The following RBM19 variants were observed in gnomAD, a reference collection of about 807,000 sequenced individuals.
RBM19 encodes the protein RNA binding motif protein 19.
RBM19 carries 94 observed loss-of-function variants against 116.8 expected under a neutral mutation model. The ratio of observed to expected loss-of-function variants is 0.80; its 90% confidence interval spans 0.68 to 0.95. The LOEUF is 0.95. RBM19 is among the 40% of genes least tolerant of loss of function. The pLI, the probability that RBM19 is intolerant of heterozygous loss-of-function variation, is 0.00. For synonymous variants in RBM19, 475 were observed against 494.1 expected (o/e 0.96, Z 0.51); for missense variants, 1,161 against 1,220.7 (o/e 0.95, Z 0.73).
chr12:113,827,002 T>A (rs1462352531), intron 23 of RBM19, among the ~76,000 whole-genome samples: 4 of 152,104 alleles, frequency 2.6e-5, no homozygotes, highest in Non-Finnish European at 4.4e-5. Flanking sequence ...AACTGCCCCC[T>A]GGAGGACATG....
In RBM19 at chr12:113,859,834, G is replaced by A. The variant is rs571652643; in HGVS notation, c.2559-938C>T. 1.3e-4 allele frequency among the ~76,000 whole-genome samples: 19 copies of A among 149,396 alleles called. No homozygotes were observed. In the South Asian group the frequency reaches 2.4e-3, roughly 18 times the overall value. On this transcript the variant is annotated intron_variant, in intron 21 of 23. Coordinates refer to ENST00000261741, the MANE Select transcript of RBM19 (RefSeq NM_016196.4). The stretch of plus-strand genomic sequence containing the variant: ...TATTTGAAAATCTACACACACTTGC[G>A]GCTGCCTGGGCACACACACATATGC...
intron 19 of RBM19, among the ~76,000 whole-genome samples, chr12:113,919,979 G>A (rs529277230): frequency 6.6e-6 from 1 of 152,188 alleles, no homozygotes; most frequent in African/African-American, 2.4e-5. Context: ...ATCCTGCCCT[G>A]CACACCTCTC....
intron 22 of RBM19, 35 bp downstream of exon 22, chr12:113,858,756 G>A: frequency 6.3e-7 from 1 of 1,592,430 alleles, no homozygotes. Context: ...GAAAGGGGAG[G>A]CCTGGACAGG....
At chr12:113,866,293 C>T (rs1878804526) in intron 21 of RBM19, among the ~76,000 whole-genome samples, 1 of 152,126 alleles carries the variant, frequency 6.6e-6, no homozygotes, top group African/African-American at 2.4e-5. Context: ...TGAAAAATGG[C>T]CTAGATTCCA....
chr12:113,818,355 C>T (rs16943270), downstream of RBM19, among the ~76,000 whole-genome samples: 4,645 of 152,192 alleles, frequency 0.031, 222 homozygotes, highest in African/African-American at 0.1. Flanking sequence ...TGGTTCTGTG[C>T]AGGAAGAGCC....
chr12:113,855,428 C>A (rs1000470819), intron 22 of RBM19, among the ~76,000 whole-genome samples: 4 of 152,240 alleles, frequency 2.6e-5, no homozygotes, highest in Admixed American at 2.0e-4. Flanking sequence ...TTCCTCCCAT[C>A]TGACGATTGC....
At chr12:113,840,511 C>A (rs1445732026) in intron 23 of RBM19, among the ~76,000 whole-genome samples, 1 of 152,262 alleles carries the variant, frequency 6.6e-6, no homozygotes, top group Non-Finnish European at 1.5e-5. Flanking sequence ...CATTCTCTGT[C>A]TGGTCCCTCC....
intron 23 of RBM19, among the ~76,000 whole-genome samples, chr12:113,841,417 CTTTT>C (rs1271637991): frequency 3.5e-5 from 5 of 143,080 alleles, no homozygotes; most frequent in Admixed American, 7.1e-5. Flanking sequence ...CTTTCTTTTT[CTTTT>C]CTTTTTTTTT....
At chr12:113,935,293 A>T (rs112676336) in intron 16 of RBM19, among the ~76,000 whole-genome samples, 12,399 of 151,024 alleles carry the variant, frequency 0.082, 591 homozygotes, top group East Asian at 0.11. Context: ...TCAAAGGAGA[A>T]CTCGCTTTGG....
intron 1 of RBM19, among the ~76,000 whole-genome samples, chr12:113,962,948 C>T (rs1872625045): frequency 6.6e-6 from 1 of 152,012 alleles, no homozygotes; most frequent in Non-Finnish European, 1.5e-5. Context: ...AATGTCACCT[C>T]AAGGGTCCTT....
intron 1 of RBM19, among the ~76,000 whole-genome samples, chr12:113,962,654 T>C (rs1486926144): frequency 2.6e-5 from 4 of 152,228 alleles, no homozygotes; most frequent in Non-Finnish European, 5.9e-5. Flanking sequence ...TGGCTGCAAA[T>C]GACATCTTCC....
At chr12:113,838,539 G>A (rs1177365984) in intron 23 of RBM19, among the ~76,000 whole-genome samples, 1 of 152,208 alleles carries the variant, frequency 6.6e-6, no homozygotes, top group Non-Finnish European at 1.5e-5. Flanking sequence ...ACAGACAGTG[G>A]CCCTGGATGG....
intron 19 of RBM19, among the ~76,000 whole-genome samples, chr12:113,919,206 A>C (rs1162577899): frequency 1.3e-5 from 2 of 152,216 alleles, no homozygotes; most frequent in Non-Finnish European, 2.9e-5. Context: ...CATCTGCTTC[A>C]CTTTAGCTGA....
downstream of RBM19, among the ~76,000 whole-genome samples, chr12:113,820,185 C>A (rs1018829814): frequency 6.7e-6 from 1 of 149,658 alleles, no homozygotes; most frequent in Non-Finnish European, 1.5e-5. Flanking sequence ...CTGGGTCACC[C>A]TGGAAGAACT....
intron 23 of RBM19, among the ~76,000 whole-genome samples, chr12:113,841,422 C>CTTTTTTTT (rs71089416): frequency 7.7e-6 from 1 of 130,008 alleles, no homozygotes; most frequent in African/African-American, 2.8e-5. Flanking sequence ...TTTTTCTTTT[C>CTTTTTTTT]TTTTTTTTTT....
At chr12:113,844,187 C>A (rs1373974814) in intron 23 of RBM19, among the ~76,000 whole-genome samples, 1 of 152,238 alleles carries the variant, frequency 6.6e-6, no homozygotes, top group African/African-American at 2.4e-5. Flanking sequence ...CATCAGCCCT[C>A]CGGCAGGAAG....
chr12:113,932,847 C>T (rs1251406425), intron 16 of RBM19: 3 of 151,314 alleles, frequency 2.0e-5, no homozygotes, highest in Admixed American at 6.6e-5. Flanking sequence ...GGGGAAGGAT[C>T]TAAAAGCAAG....
rs143866154 is a variant in RBM19 at position 113,868,832 on chromosome 12, G to A, written c.2559-9936C>T. 5.0e-3 allele frequency among the ~76,000 whole-genome samples: 764 copies of A among 152,328 alleles called. 3 individuals carry two copies. The highest frequency in any genetic ancestry group is 0.01 in the Middle Eastern group (3 of 294). On this transcript the variant is annotated intron_variant, in intron 21 of 23. Coordinates refer to ENST00000261741, the MANE Select transcript of RBM19 (RefSeq NM_016196.4). ...TATACAGCAGGGAGCTTCTGCAGAG[G>A]AAGTCTAGCTCTGACAGTGAGGGGC...
chr12:113,926,037 C>T lies in RBM19; in HGVS notation c.2244+1017G>A, dbSNP rs902071816. On this transcript the variant is annotated intron_variant, in intron 17 of 23. Transcript: ENST00000261741. ...AGAAGGTGAATCTTGGCTCCTTAAACGCTGCTGCTTTAGTCAGGGTATCTC... is the reference window on the plus strand; with the variant it reads ...AGAAGGTGAATCTTGGCTCCTTAAATGCTGCTGCTTTAGTCAGGGTATCTC... 2.6e-5 allele frequency among the ~76,000 whole-genome samples: 4 copies of T among 152,092 alleles called. 1 individual carries two copies. Among genetic ancestry groups the T allele is most frequent in the South Asian group, 4.1e-4 (2 of 4,830 alleles).
Sources: gnomAD v4.1 joint callset for allele counts (sites outside exome capture counted in the v4.1 genomes callset) on GRCh38, gnomAD v4.1.1 for gene constraint, MANE v1.5 for transcripts, NCBI Gene and HGNC (gene_info 2026-07-23, HGNC 2026-07-21) for gene names.